SLC41A2: variants seen among roughly 807,000 people sequenced by gnomAD.
SLC41A2 encodes the protein SLC41A1-like 1.
In SLC41A2, 32 loss-of-function variants were observed where a neutral mutation model predicts 58.3. The ratio of observed to expected loss-of-function variants is 0.55; its 90% CI spans 0.41 to 0.74. The LOEUF (loss-of-function observed/expected upper bound fraction) is 0.74, where lower values mean the gene tolerates loss of function less well. Ranked by LOEUF, SLC41A2 falls within the 30% of genes least tolerant of loss-of-function variation. SLC41A2 has a pLI of 0.00. For missense variants in SLC41A2, 514 were observed against 680.6 expected (o/e 0.76, Z 2.72); for synonymous variants, 190 against 235.0 (o/e 0.81, Z 1.75).
At position 104,805,270 on chromosome 12, in the gene SLC41A2, T is replaced by G; in HGVS notation, c.1604A>C (p.Asp535Ala). ...HHFWRKGKDP[D>A]SFSIPYLTAL... ...TGTTAGGTAGGGGATGGAGAAACTA[T>G]CCGGGTCCTTTCCTTTCCTCCAGAA... Residue 535 changes from aspartate to alanine, a missense_variant, in exon 11 of 11, where the codon GAT becomes GCT. Physicochemically the swap from Asp to Ala is moderately radical, Grantham distance 126 (BLOSUM62 -2). This residue lies in a region of SLC41A2 where 128 missense variants were observed against 146.0 expected (regional missense o/e 0.88). Coordinates refer to ENST00000258538, the MANE Select transcript of SLC41A2 (RefSeq NM_001352171.3). 1 of 1,613,892 alleles carries G rather than the reference T, an allele frequency of 6.2e-7. No individual in the cohort carries two copies. The highest frequency in any genetic ancestry group is 8.5e-7 in the Non-Finnish European group (1 of 1,179,848).
chr12:104,915,908 G>T (rs571037522), intron 2 of SLC41A2, among the ~76,000 whole-genome samples: 1 of 152,212 alleles, frequency 6.6e-6, no homozygotes. Context: ...CTGTGGGTTT[G>T]TCATAGATAG....
At chr12:104,880,781 T>C (rs1215750997) in intron 6 of SLC41A2, among the ~76,000 whole-genome samples, 1 of 152,174 alleles carries the variant, frequency 6.6e-6, no homozygotes, top group Non-Finnish European at 1.5e-5. Flanking sequence ...AATTCTCTTT[T>C]TTTGTTGTGT....
At chr12:104,921,921 T>C (rs937063867) in intron 2 of SLC41A2, among the ~76,000 whole-genome samples, 5 of 152,222 alleles carry the variant, frequency 3.3e-5, no homozygotes, top group Admixed American at 1.3e-4. Flanking sequence ...TCTTTGTTTC[T>C]ATTATTTTCT....
At chr12:104,837,281 C>T (rs1434888397) in intron 10 of SLC41A2, among the ~76,000 whole-genome samples, 1 of 152,122 alleles carries the variant, frequency 6.6e-6, no homozygotes, top group Non-Finnish European at 1.5e-5. Context: ...GGATTTGGGG[C>T]ACCCGTACAC....
At chr12:104,917,435 G>A (rs1239775447) in intron 2 of SLC41A2, among the ~76,000 whole-genome samples, 1 of 152,108 alleles carries the variant, frequency 6.6e-6, no homozygotes, top group African/African-American at 2.4e-5. Flanking sequence ...CGGGGATCTA[G>A]AACTAGAAAT....
intron 2 of SLC41A2, among the ~76,000 whole-genome samples, chr12:104,916,354 C>T (rs539774393): frequency 2.0e-5 from 3 of 152,154 alleles, no homozygotes; most frequent in Non-Finnish European, 2.9e-5. Flanking sequence ...GGTACCAGCT[C>T]CTCCTTGTAC....
intron 6 of SLC41A2, among the ~76,000 whole-genome samples, chr12:104,873,576 T>C (rs1175398908): frequency 6.6e-6 from 1 of 152,334 alleles, no homozygotes; most frequent in East Asian, 1.9e-4. Context: ...GCAGTCATTC[T>C]ATTTTTAATT....
intron 1 of SLC41A2, among the ~76,000 whole-genome samples, chr12:104,954,046 T>C (rs1432079357): frequency 6.6e-6 from 1 of 152,230 alleles, no homozygotes; most frequent in East Asian, 1.9e-4. Flanking sequence ...TGTTTCATTC[T>C]TGCTTTTCTT....
In SLC41A2 at chr12:104,831,532, G is replaced by A. The variant is rs541820480; in HGVS notation, c.1536+12940C>T. On this transcript the variant is annotated intron_variant, in intron 10 of 10. Coordinates refer to ENST00000258538, the MANE Select transcript of SLC41A2 (RefSeq NM_001352171.3). ...TTTTACTGCACTGTTTCTAAGTTTA[G>A]ATATTGTATCCCCATTGTTAAGCAA... Among the ~76,000 whole-genome samples the A allele has an allele frequency of 4.0e-4, 61 of 152,250 alleles. No homozygotes were observed. In the South Asian group the frequency reaches 0.012, roughly 29 times the overall value.
intron 6 of SLC41A2, among the ~76,000 whole-genome samples, chr12:104,874,533 G>T (rs1264278753): frequency 6.6e-6 from 1 of 152,156 alleles, no homozygotes; most frequent in Non-Finnish European, 1.5e-5. Flanking sequence ...CTATCTTTGT[G>T]TATGTGTAAG....
chr12:104,930,430 A>G (rs1296912396), intron 1 of SLC41A2, among the ~76,000 whole-genome samples: 1 of 152,232 alleles, frequency 6.6e-6, no homozygotes, highest in Non-Finnish European at 1.5e-5. Flanking sequence ...TCAGCTTCAC[A>G]TGAGTTAGAT....
intron 10 of SLC41A2, among the ~76,000 whole-genome samples, chr12:104,814,665 C>T (rs1280760184): frequency 6.6e-6 from 1 of 151,982 alleles, no homozygotes; most frequent in African/African-American, 2.4e-5. Context: ...CATTACCTAC[C>T]TGATGGACTG....
intron 10 of SLC41A2, among the ~76,000 whole-genome samples, chr12:104,828,099 G>A (rs1272541080): frequency 6.6e-6 from 1 of 152,162 alleles, no homozygotes; most frequent in Non-Finnish European, 1.5e-5. Context: ...CTAGCAAGCA[G>A]ACACACAAGC....
chr12:104,843,887 T>A (rs181995798), intron 10 of SLC41A2, among the ~76,000 whole-genome samples: 144 of 152,238 alleles, frequency 9.5e-4, no homozygotes, highest in African/African-American at 3.1e-3. Flanking sequence ...ACACTATACA[T>A]GCCAACTAAT....
rs1002974832 is a variant in SLC41A2 at position 104,803,458 on chromosome 12, T to G, written c.*1694A>C. ...AAAAATAAGCAAAAATATATAACTC[T>G]AAACCACAGTCCCCTCATTTAAAAG... On this transcript the variant is annotated 3_prime_UTR_variant, in exon 11 of 11. Transcript: ENST00000258538. 1 of 152,146 alleles carries G rather than the reference T, an allele frequency of 6.6e-6. No individual in the cohort carries two copies. The highest frequency in any genetic ancestry group is 2.4e-5 in the African/African-American group (1 of 41,454). The allele number at this position is 152,146 out of a possible 1,614,324, so 9.4% of individuals were successfully genotyped here.
chr12:104,842,550 A>G (rs955098005), intron 10 of SLC41A2, among the ~76,000 whole-genome samples: 1 of 152,262 alleles, frequency 6.6e-6, no homozygotes, highest in South Asian at 2.1e-4. Context: ...AGCATCTGCT[A>G]TAAACACACT....
chr12:104,912,910 A>G (rs2046147987), intron 2 of SLC41A2, among the ~76,000 whole-genome samples: 2 of 152,140 alleles, frequency 1.3e-5, no homozygotes, highest in Non-Finnish European at 2.9e-5. Flanking sequence ...CTTGGTGTGT[A>G]GGGTAAAACC....
intron 3 of SLC41A2, among the ~76,000 whole-genome samples, chr12:104,903,809 A>G (rs1451188617): frequency 6.6e-6 from 1 of 152,074 alleles, no homozygotes; most frequent in African/African-American, 2.4e-5. Context: ...CTCTACCCCT[A>G]CCTCTCTAAA....
chr12:104,894,398 A>AG (rs2045181334), intron 4 of SLC41A2, among the ~76,000 whole-genome samples: 1 of 152,148 alleles, frequency 6.6e-6, no homozygotes. Flanking sequence ...AAAGAAAAAA[A>AG]TAAATAAAAG....
Sources: allele counts gnomAD v4.1 joint callset (sites outside exome capture counted in the v4.1 genomes callset), GRCh38; gene constraint gnomAD v4.1.1; regional missense constraint gnomAD v4.1.1; transcripts MANE v1.5; gene names NCBI Gene and HGNC (gene_info 2026-07-23, HGNC 2026-07-21).